The following TRPM3 variants were observed in gnomAD, a reference collection of about 807,000 sequenced individuals.
The protein encoded by TRPM3 is long transient receptor potential channel 3.
Under a neutral mutation model 181.2 loss-of-function variants are expected in TRPM3, and 77 were observed. That is an observed-to-expected ratio of 0.42 (90% CI 0.35 to 0.51). The LOEUF is 0.51. Among genes scored for constraint, TRPM3 ranks in the 20% least tolerant of loss-of-function variants. The pLI, the probability that TRPM3 is intolerant of heterozygous loss-of-function variation, is 0.01. For synonymous variants in TRPM3, 745 were observed against 796.4 expected (o/e 0.94, Z 1.09); for missense variants, 1,759 against 2,196.7 (o/e 0.80, Z 3.98).
chr9:70,987,134 T>C (rs925283297), intron 1 of TRPM3, among the ~76,000 whole-genome samples: 2 of 152,104 alleles, frequency 1.3e-5, no homozygotes, highest in African/African-American at 2.4e-5. Flanking sequence ...ACAGTGGAAC[T>C]CTATCATATG....
chr9:70,547,382 G>A (rs2045270148), intron 25 of TRPM3, among the ~76,000 whole-genome samples: 1 of 151,948 alleles, frequency 6.6e-6, no homozygotes, highest in African/African-American at 2.4e-5. Context: ...ACTCCACTCA[G>A]AAAGGACATG....
intron 1 of TRPM3, among the ~76,000 whole-genome samples, chr9:71,194,693 C>T (rs1265747542): frequency 6.6e-6 from 1 of 151,830 alleles, no homozygotes; most frequent in Non-Finnish European, 1.5e-5. Flanking sequence ...CAAACTTTAC[C>T]TTAAATAATA....
chr9:71,205,204 A>G (rs1667623407), intron 1 of TRPM3, among the ~76,000 whole-genome samples: 1 of 151,386 alleles, frequency 6.6e-6, no homozygotes, highest in African/African-American at 2.4e-5. Flanking sequence ...CCTAAAACTT[A>G]AATAAAAAAA....
At chr9:70,928,004 T>G (rs1230151450) in intron 1 of TRPM3, among the ~76,000 whole-genome samples, 1 of 152,180 alleles carries the variant, frequency 6.6e-6, no homozygotes, top group Non-Finnish European at 1.5e-5. Context: ...TGGGGGCTAG[T>G]TTGGAAATTT....
At chr9:70,652,355 G>T (rs2059704355) in intron 9 of TRPM3, among the ~76,000 whole-genome samples, 1 of 152,070 alleles carries the variant, frequency 6.6e-6, no homozygotes, top group Non-Finnish European at 1.5e-5. Context: ...AGCAGGGAGG[G>T]AAGCCAGGGT....
At chr9:71,439,624 G>A (rs2094104892) in intron 1 of TRPM3, among the ~76,000 whole-genome samples, 1 of 152,142 alleles carries the variant, frequency 6.6e-6, no homozygotes, top group African/African-American at 2.4e-5. Flanking sequence ...TCAGGTCAGA[G>A]ACTGGGATCC....
chr9:70,609,970 T>TATC (rs2061764543), intron 19 of TRPM3, among the ~76,000 whole-genome samples: 1 of 152,136 alleles, frequency 6.6e-6, no homozygotes, highest in South Asian at 2.1e-4. Context: ...ATTTCTACCA[T>TATC]ATCAGGAGGT....
chr9:70,899,741 G>A (rs1285367911), intron 1 of TRPM3, among the ~76,000 whole-genome samples: 1 of 152,202 alleles, frequency 6.6e-6, no homozygotes, highest in Non-Finnish European at 1.5e-5. Context: ...TTGTTTGAGA[G>A]TTGGTCTCAA....
intron 22 of TRPM3, among the ~76,000 whole-genome samples, chr9:70,558,047 C>T (rs554206686): frequency 2.6e-5 from 4 of 152,256 alleles, no homozygotes; most frequent in East Asian, 1.9e-4. Context: ...TTGCAGTGAT[C>T]GGTTCAGGGA....
At chr9:70,556,740 C>G (rs901450286) in intron 22 of TRPM3, among the ~76,000 whole-genome samples, 2 of 151,898 alleles carry the variant, frequency 1.3e-5, no homozygotes, top group Non-Finnish European at 2.9e-5. Flanking sequence ...AAACCCCCCT[C>G]AAAACCCTGA....
intron 21 of TRPM3, among the ~76,000 whole-genome samples, chr9:70,596,623 C>T (rs776249364): frequency 1.3e-4 from 20 of 150,430 alleles, no homozygotes; most frequent in South Asian, 4.2e-4. Flanking sequence ...CCCAGCTGCT[C>T]GGGAGGTTGA....
chr9:70,603,754 C>G (rs2060497834), intron 19 of TRPM3, among the ~76,000 whole-genome samples: 1 of 152,142 alleles, frequency 6.6e-6, no homozygotes. Context: ...TTGCAGTTAC[C>G]CATTTTTGTG....
upstream of TRPM3, among the ~76,000 whole-genome samples, chr9:71,123,834 T>A (rs1346392068): frequency 3.3e-5 from 5 of 152,080 alleles, no homozygotes; most frequent in Non-Finnish European, 7.4e-5. Context: ...GGTGGTGAGA[T>A]CTCTGCTCCA....
intron 22 of TRPM3, among the ~76,000 whole-genome samples, chr9:70,564,909 C>T (rs926849815): frequency 6.6e-6 from 1 of 152,246 alleles, no homozygotes; most frequent in African/African-American, 2.4e-5. Context: ...AGAAACACAT[C>T]TGTACTTACA....
intron 22 of TRPM3, among the ~76,000 whole-genome samples, chr9:70,576,582 T>C (rs1313345642): frequency 2.7e-5 from 4 of 150,804 alleles, no homozygotes; most frequent in African/African-American, 9.8e-5. Flanking sequence ...TGGTGCGATC[T>C]CGGCTCACTG....
At chr9:70,808,611 T>A (rs1046961887) in intron 6 of TRPM3, among the ~76,000 whole-genome samples, 14 of 152,220 alleles carry the variant, frequency 9.2e-5, no homozygotes, top group Non-Finnish European at 1.5e-4. Context: ...GCCAACTGTG[T>A]CAAGTCGTTT....
At chr9:70,915,467 T>A (rs2096583404) in intron 1 of TRPM3, among the ~76,000 whole-genome samples, 1 of 149,828 alleles carries the variant, frequency 6.7e-6, no homozygotes, top group South Asian at 2.1e-4. Context: ...CCGGCTAATT[T>A]TTTTTTTTTT....
chr9:71,010,133 A>G (rs1360405778), intron 1 of TRPM3, among the ~76,000 whole-genome samples: 2 of 152,210 alleles, frequency 1.3e-5, no homozygotes, highest in Non-Finnish European at 2.9e-5. Context: ...AAGTACTAGA[A>G]GCAAAAATAG....
chr9:71,275,081 G>T (rs1311396144), intron 1 of TRPM3, among the ~76,000 whole-genome samples: 2 of 151,942 alleles, frequency 1.3e-5, no homozygotes, highest in Non-Finnish European at 2.9e-5. Context: ...AAAAATAAAA[G>T]CATAAGAATT....
Sources: gnomAD v4.1 joint callset for allele counts (sites outside exome capture counted in the v4.1 genomes callset) on GRCh38, gnomAD v4.1.1 for gene constraint, MANE v1.5 for transcripts, NCBI Gene and HGNC (gene_info 2026-07-23, HGNC 2026-07-21) for gene names.